The following IGSF22 variants were observed in gnomAD, a reference collection of about 807,000 sequenced individuals.
IGSF22 encodes the protein immunoglobulin superfamily member 22.
A neutral mutation model predicts 127.0 loss-of-function variants in IGSF22; 119 were observed. That is an observed-to-expected ratio of 0.94 (90% CI 0.81 to 1.09). The LOEUF (loss-of-function observed/expected upper bound fraction) is 1.09, where lower values mean the gene tolerates loss of function less well. Among genes scored for constraint, IGSF22 ranks in the 50% least tolerant of loss-of-function variants. The probability of loss-of-function intolerance (pLI) is 0.00; values close to 1 mark genes in which losing one functional copy is unlikely to be tolerated. For synonymous variants in IGSF22, 568 were observed against 664.7 expected (o/e 0.85, Z 2.24); for missense variants, 1,518 against 1,716.6 (o/e 0.88, Z 2.04).
chr11:18,710,358 T>C lies in IGSF22; in HGVS notation c.2670A>G (p.Pro890=). 1.2e-6 allele frequency: 2 copies of C among 1,614,190 alleles called. No individual in the cohort carries two copies. Among genetic ancestry groups the C allele is most frequent in the Non-Finnish European group, 1.7e-6 (2 of 1,180,046 alleles). Reference sequence around the variant, plus strand: ...GATCCTTGGCCACTACTGAGCTGGATGGCACACTGGGCTGTCCAGGGCCTG... The same window carrying C: ...GATCCTTGGCCACTACTGAGCTGGACGGCACACTGGGCTGTCCAGGGCCTG... The part of the protein sequence containing the change: ...NKAGPGQPSV[P]SSSVVAKDPV... The change falls in exon 17 of 23, where the codon CCA becomes CCG. Residue 890 remains proline (P), a synonymous_variant. Transcript: ENST00000513874.
chr11:18,712,521 T>TCCAC lies in IGSF22; in HGVS notation c.2096-141_2096-138dup, dbSNP rs1038143784. The stretch of plus-strand genomic sequence containing the variant: ...TTTGGATCCTTTGCCCCTCCCTGTG[T>TCCAC]CCACCATCCCTCCTTCTAAGACTTG... On this transcript the variant is annotated intron_variant, in intron 14 of 22. Transcript: ENST00000513874. The TCCAC allele has an allele frequency of 4.8e-5, 35 of 735,880 alleles. No homozygotes were observed. In the African/African-American group the frequency reaches 6.0e-4, roughly 13 times the overall value. 45.6% of individuals were successfully genotyped at this position (735,880 alleles called of 1,614,324 possible).
At chr11:18,718,469 T>C in intron 8 of IGSF22, 146 bp downstream of exon 8, 1 of 680,766 alleles carries the variant, frequency 1.5e-6, no homozygotes, top group East Asian at 2.6e-5. Context: ...CAGTTAAGAG[T>C]AGAGCCCAAT....
chr11:18,717,384 C>T (rs768847450), intron 9 of IGSF22, among the ~76,000 whole-genome samples: 14 of 151,862 alleles, frequency 9.2e-5, no homozygotes, highest in African/African-American at 1.2e-4. Flanking sequence ...TGGCAGAAAG[C>T]GGGATTTGAC....
At chr11:18,724,339 GTGTT>G in intron 1 of IGSF22, 70 bp from the exon 2 acceptor site, 5 of 790,354 alleles carry the variant, frequency 6.3e-6, no homozygotes, top group Non-Finnish European at 1.1e-5. Context: ...TGTTATGTGT[GTGTT>G]CAGACATAAG....
At position 18,719,537 on chromosome 11, in the gene IGSF22, A is replaced by T. The variant is rs117316711; in HGVS notation, c.696+179T>A. On this transcript the variant is annotated intron_variant, in intron 7 of 22. Coordinates refer to ENST00000513874, the MANE Select transcript of IGSF22 (RefSeq NM_173588.4). Reference sequence around the variant, plus strand: ...GCAAGTATGTTTGGGAGTGGTGAAGACAGAAGTAGAAGGAAGGTGACTTGT... The same window carrying T: ...GCAAGTATGTTTGGGAGTGGTGAAGTCAGAAGTAGAAGGAAGGTGACTTGT... Among the ~76,000 whole-genome samples, 1,299 of 152,298 alleles carry T rather than the reference A, an allele frequency of 8.5e-3. 11 individuals carry two copies. The highest frequency in any genetic ancestry group is 0.027 in the Middle Eastern group (8 of 294).
In IGSF22 at chr11:18,706,028, G is replaced by A; in HGVS notation, c.3699C>T (p.Thr1233=). The part of the protein sequence containing the change: ...TVLRGQDCTM[T]CAFLGNPRPT... ...GCCGCGGGTTCCCAAGGAAGGCGCA[G>A]GTCATGGTGCAGTCCTGGCCGCGGA... is the stretch of plus-strand genomic sequence containing the variant. Residue 1233 remains threonine (T), a synonymous_variant, in exon 22 of 23, where the codon ACC becomes ACT. Transcript: ENST00000513874. The A allele has an allele frequency of 6.4e-7, 1 of 1,551,640 alleles. No homozygotes were observed. Among genetic ancestry groups the A allele is most frequent in the African/African-American group, 1.4e-5 (1 of 73,188 alleles).
chr11:18,714,601 C>T lies in IGSF22; in HGVS notation c.1555G>A (p.Gly519Arg), dbSNP rs556255881. 84 of 1,614,154 alleles carry T rather than the reference C, an allele frequency of 5.2e-5. No homozygotes were observed. The South Asian group carries it at 5.5e-4, about 11-fold the overall frequency. Residue 519 changes from glycine to arginine, a missense_variant, in exon 12 of 23, where the codon GGG (glycine) becomes AGG (arginine). Physicochemically the swap from Gly to Arg is moderately radical, Grantham distance 125. Transcript: ENST00000513874. ...GTGGCCGCGTGCACGTCGGACATCC[C>T]GCTCTTCACTGTGGCCAGACGCTCT... ...VEERLATVKS[G>R]MSDVHAATGS...
Position 18,712,290 on chromosome 11 carries a change from T to TC in IGSF22, c.2189dup (p.Arg731ThrfsTer20). ...CCACTATGAACTGTGTCACAGGTCG[T>TC]CCACCATTGTCCTTTGGGGCCTTCC... is the stretch of plus-strand genomic sequence containing the variant. On this transcript the variant is annotated frameshift_variant, in exon 15 of 23. Transcript: ENST00000513874. LOFTEE classifies it high-confidence loss of function. 1 of 1,551,722 alleles carries TC rather than the reference T, an allele frequency of 6.4e-7. No individual in the cohort carries two copies. The highest frequency in any genetic ancestry group is 8.7e-7 in the Non-Finnish European group (1 of 1,146,994).
At chr11:18,704,983 C>T (rs1016630383) in intron 22 of IGSF22, among the ~76,000 whole-genome samples, 1 of 152,192 alleles carries the variant, frequency 6.6e-6, no homozygotes, top group Non-Finnish European at 1.5e-5. Context: ...GAGATATTGT[C>T]TCAGTGCCAG....
At chr11:18,720,042 C>G (rs1848541203) in intron 6 of IGSF22, 22 bp downstream of exon 6, 18 of 1,613,650 alleles carry the variant, frequency 1.1e-5, no homozygotes, top group Non-Finnish European at 1.5e-5. Context: ...ATATCTTGGG[C>G]AGAAGGACCT....
intron 14 of IGSF22, 57 bp from the exon 15 acceptor site, chr11:18,712,441 T>A: frequency 6.9e-7 from 1 of 1,451,188 alleles, no homozygotes; most frequent in Non-Finnish European, 9.3e-7. Context: ...CAGAAGGGCC[T>A]CCTCCCACTC....
At chr11:18,722,442 G>A (rs1192984141) in intron 2 of IGSF22, among the ~76,000 whole-genome samples, 1 of 152,120 alleles carries the variant, frequency 6.6e-6, no homozygotes, top group Non-Finnish European at 1.5e-5. Flanking sequence ...GCTTGGCTGA[G>A]CTCTGCTCTA....
In IGSF22 at chr11:18,714,264, G is replaced by T; in HGVS notation, c.1798+13C>A. 3 of 1,610,418 alleles carry T rather than the reference G, an allele frequency of 1.9e-6. No homozygotes were observed. Among genetic ancestry groups the T allele is most frequent in the Middle Eastern group, 1.7e-4 (1 of 6,044 alleles). The stretch of plus-strand genomic sequence containing the variant: ...GCATGGTTGAGCTTTGCCTACCTTG[G>T]ACAGATCCATACCTGCGATGAATAC... On this transcript the variant is annotated intron_variant, in intron 13 of 22. Transcript: ENST00000513874.
chr11:18,711,872 G>A (rs1848363107), intron 15 of IGSF22, among the ~76,000 whole-genome samples: 1 of 152,224 alleles, frequency 6.6e-6, no homozygotes, highest in African/African-American at 2.4e-5. Context: ...GTATACCCAT[G>A]GGAGTGTGTT....
intron 4 of IGSF22, among the ~76,000 whole-genome samples, chr11:18,721,283 C>G (rs987863603): frequency 3.3e-5 from 5 of 152,242 alleles, no homozygotes; most frequent in African/African-American, 1.2e-4. Flanking sequence ...CGCCCCGCCA[C>G]GTTCTGGCTC....
chr11:18,721,985 G>A lies in IGSF22; in HGVS notation c.166C>T (p.Arg56Trp), dbSNP rs1189152079. Residue 56 changes from arginine to tryptophan, a missense_variant, in exon 3 of 23, where the codon CGG becomes TGG. Coordinates refer to ENST00000513874, the MANE Select transcript of IGSF22 (RefSeq NM_173588.4). ...TCGCCCGCAGGGATGTTTGAGCTCC[G>A]GGTCACTAAGCTGAAGAACTCCACT... ...SIVEFFSLVT[R>W]SSNIPAGDSV... 1.9e-6 allele frequency: 3 copies of A among 1,614,018 alleles called. No homozygotes were observed. The highest frequency in any genetic ancestry group is 1.1e-5 in the South Asian group (1 of 91,084).
At chr11:18,707,256 A>T (rs1472747440) in intron 20 of IGSF22, 43 bp from the exon 21 acceptor site, 3 of 1,472,384 alleles carry the variant, frequency 2.0e-6, no homozygotes, top group Non-Finnish European at 2.7e-6. Context: ...GGGGCACCTG[A>T]AGTATTATGT....
At chr11:18,707,550 T>A (rs998502891) in intron 20 of IGSF22, among the ~76,000 whole-genome samples, 4 of 152,234 alleles carry the variant, frequency 2.6e-5, no homozygotes, top group Non-Finnish European at 4.4e-5. Flanking sequence ...ATTTTAAAGC[T>A]TCCAGCTCTC....
chr11:18,721,191 A>C (rs966241366), intron 4 of IGSF22, among the ~76,000 whole-genome samples: 1 of 152,108 alleles, frequency 6.6e-6, no homozygotes, highest in South Asian at 2.1e-4. Flanking sequence ...CCCGCCCTCC[A>C]TGGCTACGCC....
Sources: gnomAD v4.1 joint callset for allele counts (sites outside exome capture counted in the v4.1 genomes callset) on GRCh38, gnomAD v4.1.1 for gene constraint, MANE v1.5 for transcripts, NCBI Gene and HGNC (gene_info 2026-07-23, HGNC 2026-07-21) for gene names.